ITPKC: variants seen among roughly 807,000 people sequenced by gnomAD.
ITPKC encodes inositol-trisphosphate 3-kinase C.
ITPKC carries 33 observed loss-of-function variants against 67.1 expected under a neutral mutation model. That is an observed-to-expected ratio of 0.49 (90% CI 0.37 to 0.66). The LOEUF is 0.66. ITPKC is among the 30% of genes least tolerant of loss of function. The probability of loss-of-function intolerance (pLI) is 0.00; values close to 1 mark genes in which losing one functional copy is unlikely to be tolerated. For missense variants in ITPKC, 820 were observed against 892.1 expected (o/e 0.92, Z 1.03); for synonymous variants, 341 against 359.8 (o/e 0.95, Z 0.59).
intron 3 of ITPKC, among the ~76,000 whole-genome samples, chr19:40,732,455 G>A (rs566399745): frequency 2.6e-4 from 38 of 143,680 alleles, no homozygotes; most frequent in African/African-American, 8.5e-4. Flanking sequence ...GCTTGAATCC[G>A]CGAGGCAGAG....
At chr19:40,737,985 C>T (rs1399551980) in intron 6 of ITPKC, among the ~76,000 whole-genome samples, 1 of 121,614 alleles carries the variant, frequency 8.2e-6, no homozygotes, top group Non-Finnish European at 1.7e-5. Context: ...GACCCCGTCT[C>T]TATTTGGAAA....
In ITPKC at chr19:40,717,364, G is replaced by C; in HGVS notation, c.229G>C (p.Gly77Arg). The C allele has an allele frequency of 6.2e-7, 1 of 1,612,242 alleles. No homozygotes were observed. Among genetic ancestry groups the C allele is most frequent in the Non-Finnish European group, 8.5e-7 (1 of 1,179,734 alleles). Residue 77 changes from glycine to arginine, a missense_variant, in exon 1 of 7, where the codon GGG becomes CGG. Gly to Arg is a moderately radical substitution (Grantham distance 125). Coordinates refer to ENST00000263370, the MANE Select transcript of ITPKC (RefSeq NM_025194.3). ...CAGCGAGCCTGAGAGGGCCGGCCTCGGGCCTGCGCCGGGGACAGAGAGTCC... is the reference window on the plus strand; with the variant it reads ...CAGCGAGCCTGAGAGGGCCGGCCTCCGGCCTGCGCCGGGGACAGAGAGTCC... ...LHSEPERAGL[G>R]PAPGTESPQA...
rs1328428059 is a variant in ITPKC, at chr19:40,717,778, A to C, written c.643A>C (p.Lys215Gln). The change falls in exon 1 of 7, where the codon AAA becomes CAA. Residue 215 changes from lysine to glutamine, a missense_variant. Transcript: ENST00000263370. ...QTHPEGACPS[K>Q]EPSADGSWKE... ...TCACCCAGAAGGAGCCTGTCCCTCA[A>C]AAGAGCCAAGTGCTGATGGCTCCTG... 1 of 1,614,016 alleles carries C rather than the reference A, an allele frequency of 6.2e-7. No homozygotes were observed. Among genetic ancestry groups the C allele is most frequent in the East Asian group, 2.2e-5 (1 of 44,872 alleles).
intron 6 of ITPKC, among the ~76,000 whole-genome samples, chr19:40,738,997 T>C (rs917532793): frequency 8.5e-5 from 13 of 152,132 alleles, no homozygotes; most frequent in African/African-American, 3.1e-4. Flanking sequence ...GGCACGAGAT[T>C]TCATCACAGT....
Position 40,739,810 on chromosome 19 carries a change from A to C in ITPKC, c.*250A>C. 1.8e-6 allele frequency: 1 copy of C among 544,124 alleles called. No homozygotes were observed. 33.7% of individuals were successfully genotyped at this position (544,124 alleles called of 1,614,324 possible). On this transcript the variant is annotated 3_prime_UTR_variant, in exon 7 of 7. Transcript: ENST00000263370. The stretch of plus-strand genomic sequence containing the variant: ...AAGGTGATGAGGCAGTGAGTCAGAA[A>C]AACCAGAACGGGGTCCCCGGATCTG...
Position 40,733,294 on chromosome 19 carries a change from C to A in ITPKC, c.1604C>A (p.Pro535His), listed in dbSNP as rs762643545. 1.2e-6 allele frequency: 2 copies of A among 1,614,042 alleles called. No individual in the cohort carries two copies. Among genetic ancestry groups the A allele is most frequent in the Admixed American group, 1.7e-5 (1 of 60,008 alleles). The stretch of plus-strand genomic sequence containing the variant: ...CATGCCCAGGGTGCAGTCACCAAGC[C>A]CCGCTACATGCAGTGGAGGGAAACC... ...EEHAQGAVTK[P>H]RYMQWRETMS... The change falls in exon 4 of 7, where the codon CCC becomes CAC. Residue 535 changes from proline to histidine, a missense_variant. Coordinates refer to ENST00000263370, the MANE Select transcript of ITPKC (RefSeq NM_025194.3).
intron 6 of ITPKC, 139 bp downstream of exon 6, chr19:40,737,908 T>C: frequency 3.2e-6 from 2 of 627,668 alleles, no homozygotes; most frequent in Non-Finnish European, 5.6e-6. Flanking sequence ...ACCAGCACTT[T>C]GGGAGGCTGA....
rs1253701646 is a variant in ITPKC at position 40,717,250 on chromosome 19, C to A, written c.115C>A (p.Gln39Lys). ...AGGAGGGCGGCGGCGGCAGCCGGGA[C>A]AGCAGCGACCTGGGCCCGGCGCAGG... Reference protein sequence around the residue: ...PRGGRRRQPGQQRPGPGAGAP... With the variant: ...PRGGRRRQPGKQRPGPGAGAP... The change falls in exon 1 of 7, where the codon CAG (glutamine) becomes AAG (lysine). Residue 39 changes from glutamine to lysine, a missense_variant. Physicochemically the swap from Gln to Lys is moderately conservative, Grantham distance 53. Coordinates refer to ENST00000263370, the MANE Select transcript of ITPKC (RefSeq NM_025194.3). 3 of 1,315,216 alleles carry A rather than the reference C, an allele frequency of 2.3e-6. No individual in the cohort carries two copies. The highest frequency in any genetic ancestry group is 2.9e-6 in the Non-Finnish European group (3 of 1,039,214). 81.5% of individuals were successfully genotyped at this position (1,315,216 alleles called of 1,614,324 possible).
intron 3 of ITPKC, among the ~76,000 whole-genome samples, chr19:40,732,479 G>A (rs1000895924): frequency 6.6e-5 from 9 of 135,692 alleles, no homozygotes; most frequent in South Asian, 2.3e-4. Flanking sequence ...GCAGTGACCC[G>A]AGATCACCAC....
chr19:40,717,996 A>G lies in ITPKC; in HGVS notation c.861A>G (p.Thr287=), dbSNP rs752622292. 1.9e-6 allele frequency: 3 copies of G among 1,614,128 alleles called. No homozygotes were observed. Among genetic ancestry groups the G allele is most frequent in the Admixed American group, 1.7e-5 (1 of 60,020 alleles). ...WTQPSTDGSQ[T]APGTDCLLGE... is the part of the protein sequence containing the mutation. ...AACCTAGCACTGACGGTTCCCAGAC[A>G]GCACCTGGGACAGACTGCCTCTTGG... Residue 287 remains threonine, a synonymous_variant, in exon 1 of 7, where the codon ACA becomes ACG. Transcript: ENST00000263370.
At chr19:40,729,821 G>A (rs1176824893) in intron 3 of ITPKC, among the ~76,000 whole-genome samples, 1 of 152,128 alleles carries the variant, frequency 6.6e-6, no homozygotes, top group East Asian at 1.9e-4. Context: ...TTTCAAAGTG[G>A]TTGTACCAGT....
chr19:40,736,509 A>G (rs1316149432), intron 4 of ITPKC, among the ~76,000 whole-genome samples: 1 of 150,296 alleles, frequency 6.7e-6, no homozygotes, highest in East Asian at 2.0e-4. Context: ...GGCCCTGGGA[A>G]GTTGTTTTTT....
rs369550545 is a variant in ITPKC, at chr19:40,739,426, G to A, written c.1918G>A (p.Gly640Ser). 3.7e-5 allele frequency: 60 copies of A among 1,613,638 alleles called. No individual in the cohort carries two copies. The highest frequency in any genetic ancestry group is 2.9e-4 in the South Asian group (26 of 91,082). ...GLAKVWMIDFGKTVALPDHQT... is the reference protein window; with the variant it reads ...GLAKVWMIDFSKTVALPDHQT... ...GGCCAAGGTCTGGATGATAGACTTC[G>A]GCAAGACGGTGGCCTTGCCCGACCA... The change falls in exon 7 of 7, where the codon GGC becomes AGC. Residue 640 changes from glycine to serine, a missense_variant. Around this residue, in one of 2 missense-constraint regions of ITPKC, gnomAD observed 339 missense variants for 422.0 expected, o/e 0.80. Transcript: ENST00000263370.
At chr19:40,728,843 C>G (rs1027741240) in intron 2 of ITPKC, among the ~76,000 whole-genome samples, 9 of 152,060 alleles carry the variant, frequency 5.9e-5, no homozygotes, top group Non-Finnish European at 1.2e-4. Context: ...GCCTGACCAA[C>G]AAGGTGAAAC....
intron 3 of ITPKC, 71 bp downstream of exon 3, chr19:40,729,486 C>G: frequency 7.2e-7 from 1 of 1,392,618 alleles, no homozygotes; most frequent in Non-Finnish European, 9.9e-7. Context: ...ATTGGCCTGG[C>G]CAGGCGCGGT....
intron 2 of ITPKC, 69 bp from the exon 3 acceptor site, chr19:40,729,133 C>A: frequency 8.0e-7 from 1 of 1,251,072 alleles, no homozygotes; most frequent in South Asian, 1.2e-5. Context: ...CTGATGCAAA[C>A]AGGCAGCTGC....
chr19:40,733,463 C>T (rs1189120398), intron 4 of ITPKC, 99 bp downstream of exon 4: 23 of 1,144,538 alleles, frequency 2.0e-5, no homozygotes, highest in East Asian at 2.6e-5. Context: ...CAGGAGACGG[C>T]GTGGGATGAA....
In ITPKC at chr19:40,718,205, TCTC is replaced by T; in HGVS notation, c.1074_1076del (p.Ser359del). The T allele has an allele frequency of 1.9e-6, 3 of 1,562,224 alleles. No homozygotes were observed. Among genetic ancestry groups the T allele is most frequent in the Non-Finnish European group, 2.6e-6 (3 of 1,158,588 alleles). On this transcript the variant is annotated inframe_deletion, in exon 1 of 7. Transcript: ENST00000263370. ...CGGGTTGAGGGGGGCAGCGGCGGCT[TCTC>T]CTCTGCCTCTTCTTTCGACGAGTCT...
At chr19:40,721,801 A>G (rs1375529391) in intron 1 of ITPKC, among the ~76,000 whole-genome samples, 1 of 152,052 alleles carries the variant, frequency 6.6e-6, no homozygotes, top group Non-Finnish European at 1.5e-5. Flanking sequence ...GAAATTTGAG[A>G]CCACCCTGGG....
Sources: gnomAD v4.1 joint callset for allele counts (sites outside exome capture counted in the v4.1 genomes callset) on GRCh38, gnomAD v4.1.1 for gene constraint, gnomAD v4.1.1 regional missense constraint, MANE v1.5 for transcripts, NCBI Gene and HGNC (gene_info 2026-07-23, HGNC 2026-07-21) for gene names.